Variants in NKAIN3 observed in about 807,000 individuals in gnomAD.
NKAIN3 encodes sodium/potassium transporting ATPase interacting 3.
In NKAIN3, 25 loss-of-function variants were observed where a neutral mutation model predicts 30.2. That is an observed-to-expected ratio of 0.83 (90% CI 0.60 to 1.16). The LOEUF is 1.16. Ranked by LOEUF, NKAIN3 falls within the 50% of genes most tolerant of loss-of-function variation. The pLI, the probability that NKAIN3 is intolerant of heterozygous loss-of-function variation, is 0.00. For missense variants in NKAIN3, 225 were observed against 254.1 expected (o/e 0.89, Z 0.78); for synonymous variants, 91 against 89.6 (o/e 1.02, Z -0.09).
chr8:62,369,799 CAGAT>C (rs770215278), intron 1 of NKAIN3, among the ~76,000 whole-genome samples: 10 of 151,584 alleles, frequency 6.6e-5, no homozygotes, highest in Non-Finnish European at 1.0e-4. Context: ...ATACAGTTAA[CAGAT>C]AGAGCCTTCC....
chr8:62,539,448 T>C (rs750516149), intron 1 of NKAIN3, among the ~76,000 whole-genome samples: 4 of 152,126 alleles, frequency 2.6e-5, no homozygotes, highest in Admixed American at 1.3e-4. Flanking sequence ...CCATTTGTTA[T>C]AGACTCTTCC....
intron 4 of NKAIN3, among the ~76,000 whole-genome samples, chr8:62,838,847 GA>G (rs1235107454): frequency 6.6e-6 from 1 of 152,104 alleles, no homozygotes; most frequent in Non-Finnish European, 1.5e-5. Flanking sequence ...GGGATCACCA[GA>G]AAAACTTGGA....
intron 1 of NKAIN3, among the ~76,000 whole-genome samples, chr8:62,250,810 A>T (rs533009184): frequency 6.6e-6 from 1 of 152,336 alleles, no homozygotes; most frequent in South Asian, 2.1e-4. Flanking sequence ...GTCAAAGCTT[A>T]TCTTAAAATT....
chr8:62,294,766 A>C (rs1468007708), intron 1 of NKAIN3, among the ~76,000 whole-genome samples: 1 of 152,110 alleles, frequency 6.6e-6, no homozygotes, highest in Non-Finnish European at 1.5e-5. Context: ...GCTGGTCTCC[A>C]ACTGGTGGGC....
chr8:62,445,574 T>C (rs777855542), intron 1 of NKAIN3, among the ~76,000 whole-genome samples: 3 of 152,074 alleles, frequency 2.0e-5, no homozygotes. Context: ...TATACAGAAG[T>C]GAGAAGGTGA....
intron 1 of NKAIN3, among the ~76,000 whole-genome samples, chr8:62,333,768 T>A (rs1240279830): frequency 6.6e-5 from 10 of 152,112 alleles, no homozygotes; most frequent in Non-Finnish European, 1.5e-5. Flanking sequence ...AGTATCATTA[T>A]CTGAAAGCAT....
chr8:62,603,359 A>G (rs531654123), intron 3 of NKAIN3, among the ~76,000 whole-genome samples: 1 of 152,174 alleles, frequency 6.6e-6, no homozygotes, highest in Non-Finnish European at 1.5e-5. Context: ...ATAGCCTTAT[A>G]AAATAAAACT....
chr8:62,918,822 G>A (rs1300520608), intron 5 of NKAIN3, among the ~76,000 whole-genome samples: 1 of 152,118 alleles, frequency 6.6e-6, no homozygotes, highest in Non-Finnish European at 1.5e-5. Flanking sequence ...ACAGTCAGCG[G>A]TTGTTTTACC....
At chr8:62,570,512 G>A (rs547643623) in intron 1 of NKAIN3, among the ~76,000 whole-genome samples, 4 of 152,212 alleles carry the variant, frequency 2.6e-5, no homozygotes, top group African/African-American at 7.2e-5. Context: ...GGCACATCTC[G>A]CATGGCAGCA....
chr8:62,835,888 A>G (rs1020920422), intron 4 of NKAIN3, among the ~76,000 whole-genome samples: 1 of 152,172 alleles, frequency 6.6e-6, no homozygotes, highest in African/African-American at 2.4e-5. Context: ...ATGCACTGGT[A>G]TGTTCATTGC....
intron 1 of NKAIN3, among the ~76,000 whole-genome samples, chr8:62,323,081 G>A (rs964802978): frequency 3.3e-5 from 5 of 152,198 alleles, no homozygotes; most frequent in Non-Finnish European, 5.9e-5. Flanking sequence ...TTGCTGGTGG[G>A]AATGCAAAAT....
At chr8:62,743,575 C>A (rs949111683) in intron 3 of NKAIN3, among the ~76,000 whole-genome samples, 41 of 152,046 alleles carry the variant, frequency 2.7e-4, no homozygotes, top group African/African-American at 9.4e-4. Flanking sequence ...AATGCACAAC[C>A]ATGTAGAAAG....
At chr8:62,760,149 G>A (rs1399300240) in intron 4 of NKAIN3, among the ~76,000 whole-genome samples, 5 of 152,146 alleles carry the variant, frequency 3.3e-5, no homozygotes, top group African/African-American at 7.2e-5. Context: ...ATGATGTGGA[G>A]TAATAGGAAC....
chr8:62,500,902 G>C (rs1807428571), intron 1 of NKAIN3, among the ~76,000 whole-genome samples: 1 of 152,116 alleles, frequency 6.6e-6, no homozygotes, highest in South Asian at 2.1e-4. Flanking sequence ...TGTTCACCTA[G>C]AGAGCTGCAG....
At chr8:62,480,023 T>C (rs1163357921) in intron 1 of NKAIN3, among the ~76,000 whole-genome samples, 1 of 152,216 alleles carries the variant, frequency 6.6e-6, no homozygotes, top group Non-Finnish European at 1.5e-5. Context: ...ACTTTGTTTT[T>C]ATATAGCATC....
intron 3 of NKAIN3, among the ~76,000 whole-genome samples, chr8:62,631,020 C>T (rs1232429603): frequency 6.6e-6 from 1 of 152,060 alleles, no homozygotes; most frequent in Non-Finnish European, 1.5e-5. Flanking sequence ...TCCAAGTCTT[C>T]CATTTACTAC....
At position 62,859,508 on chromosome 8, in the gene NKAIN3, T is replaced by TAAAAAAAAA. The variant is rs531859546; in HGVS notation, c.472-58940_472-58932dup. On this transcript the variant is annotated intron_variant, in intron 4 of 6. Transcript: ENST00000623646. ...ACTTTTTCTATACTCTTACTTCAAC[T>TAAAAAAAAA]AAAAAAAAAAAAACTTCATGGAAGT... is the stretch of plus-strand genomic sequence containing the variant. 3.8e-4 allele frequency among the ~76,000 whole-genome samples: 23 copies of TAAAAAAAAA among 60,430 alleles called. 3 individuals carry two copies. The highest frequency in any genetic ancestry group is 9.0e-4 in the South Asian group (1 of 1,106). The allele number at this position is 60,430 out of a possible 152,430, so 39.6% of individuals were successfully genotyped here.
At chr8:62,873,098 T>A (rs1206368458) in intron 4 of NKAIN3, among the ~76,000 whole-genome samples, 2 of 152,054 alleles carry the variant, frequency 1.3e-5, no homozygotes, top group Non-Finnish European at 2.9e-5. Context: ...AAGAGACCCA[T>A]CCTGTGTGCA....
chr8:62,986,902 G>T (rs1241935695), downstream of NKAIN3, among the ~76,000 whole-genome samples: 1 of 152,118 alleles, frequency 6.6e-6, no homozygotes, highest in Non-Finnish European at 1.5e-5. Flanking sequence ...ACCCAACATA[G>T]GTTATCAGCC....
Sources: allele counts gnomAD v4.1 joint callset (sites outside exome capture counted in the v4.1 genomes callset), GRCh38; gene constraint gnomAD v4.1.1; transcripts MANE v1.5; gene names NCBI Gene and HGNC (gene_info 2026-07-23, HGNC 2026-07-21).